The following TGS1 variants were observed in gnomAD, a reference collection of about 807,000 sequenced individuals.
TGS1 encodes the protein trimethylguanosine synthase 1, also known as trimethylguanosine synthase.
Under a neutral mutation model 92.2 loss-of-function variants are expected in TGS1, and 69 were observed. The ratio of observed to expected loss-of-function variants is 0.75; its 90% CI spans 0.62 to 0.91. The LOEUF (loss-of-function observed/expected upper bound fraction) is 0.91. Among genes scored for constraint, TGS1 ranks in the 40% least tolerant of loss-of-function variants. The pLI, the probability that TGS1 is intolerant of heterozygous loss-of-function variation, is 0.00. For synonymous variants in TGS1, 345 were observed against 338.1 expected, an observed-to-expected ratio of 1.02 and a Z score of -0.22; for missense variants, 1,062 against 1,001.2, an observed-to-expected ratio of 1.06 and a Z score of -0.82.
Position 55,786,999 on chromosome 8 carries a change from TGGA to T in TGS1, c.1105_1107del (p.Gly369del). On this transcript the variant is annotated inframe_deletion, in exon 4 of 13. Coordinates refer to ENST00000260129, the MANE Select transcript of TGS1 (RefSeq NM_024831.8). Reference sequence around the variant, plus strand: ...CTTCCGGCCAAAGTGAACCACGTAATGGAGGAACCAATGAGGAAAGCAACTCAT... The same window carrying T: ...CTTCCGGCCAAAGTGAACCACGTAATGGAACCAATGAGGAAAGCAACTCAT... The T allele has an allele frequency of 1.9e-6, 3 of 1,614,080 alleles. No individual in the cohort carries two copies. In the Admixed American group the frequency reaches 5.0e-5, roughly 27 times the overall value.
chr8:55,779,798 C>T (rs2130105246), intron 1 of TGS1, among the ~76,000 whole-genome samples: 1 of 152,204 alleles, frequency 6.6e-6, no homozygotes, highest in Non-Finnish European at 1.5e-5. Flanking sequence ...CTTATCAATT[C>T]CATTGAATTT....
At chr8:55,793,733 AATTTATTTATTTATTT>A (rs143163863) in intron 6 of TGS1, among the ~76,000 whole-genome samples, 2,795 of 144,952 alleles carry the variant, frequency 0.019, 82 homozygotes, top group African/African-American at 0.068. Flanking sequence ...ATGCCCTGCT[AATTTATTTATTTATTT>A]ATTTATTTAT....
At chr8:55,806,422 T>C (rs1214387673) in intron 10 of TGS1, among the ~76,000 whole-genome samples, 2 of 150,682 alleles carry the variant, frequency 1.3e-5, no homozygotes, top group East Asian at 3.9e-4. Context: ...AATATAGTAC[T>C]GTAAATGTAG....
intron 11 of TGS1, among the ~76,000 whole-genome samples, chr8:55,812,249 G>A (rs955198290): frequency 1.6e-4 from 25 of 151,762 alleles, no homozygotes; most frequent in Admixed American, 8.6e-4. Flanking sequence ...AGTGTACTCC[G>A]GGATATGCTG....
chr8:55,817,257 A>T (rs1803506083), intron 12 of TGS1, among the ~76,000 whole-genome samples: 1 of 152,188 alleles, frequency 6.6e-6, no homozygotes, highest in Admixed American at 6.5e-5. Context: ...TCCTCATTGT[A>T]ACAGTCACTT....
intron 1 of TGS1, among the ~76,000 whole-genome samples, chr8:55,773,929 A>G (rs1176238312): frequency 6.6e-6 from 1 of 152,214 alleles, no homozygotes; most frequent in African/African-American, 2.4e-5. Flanking sequence ...TCTACTTGGT[A>G]GGCTGCTATG....
chr8:55,773,738 C>T lies in TGS1; in HGVS notation c.101+19C>T. 1 of 1,581,542 alleles carries T rather than the reference C, an allele frequency of 6.3e-7. No homozygotes were observed. Among genetic ancestry groups the T allele is most frequent in the Non-Finnish European group, 8.7e-7 (1 of 1,154,918 alleles). On this transcript the variant is annotated intron_variant, in intron 1 of 12. Coordinates refer to ENST00000260129, the MANE Select transcript of TGS1 (RefSeq NM_024831.8). ...TTGTGGAGTAAGTAGAAAAGAGAATCTCTTCATGTTCTAGCACAGTCATTA... is the reference window on the plus strand; with the variant it reads ...TTGTGGAGTAAGTAGAAAAGAGAATTTCTTCATGTTCTAGCACAGTCATTA...
chr8:55,777,902 ATTT>A (rs56285134), intron 1 of TGS1, among the ~76,000 whole-genome samples: 22,080 of 150,536 alleles, frequency 0.15, 1,808 homozygotes, highest in African/African-American at 0.23. Context: ...AATAATTTAA[ATTT>A]TTTTTTTTTT....
intron 10 of TGS1, among the ~76,000 whole-genome samples, chr8:55,806,624 A>G (rs180730016): frequency 8.5e-5 from 13 of 152,246 alleles, no homozygotes; most frequent in Admixed American, 4.6e-4. Flanking sequence ...TGACTTCACA[A>G]GAGATCAGGG....
chr8:55,824,435 A>T, intron 12 of TGS1, 146 bp from the exon 13 acceptor site: 1 of 958,554 alleles, frequency 1.0e-6, no homozygotes, highest in Non-Finnish European at 1.6e-6. Context: ...GATGCCTGGG[A>T]AGTAGCAGTG....
At position 55,799,220 on chromosome 8, in the gene TGS1, G is replaced by C; in HGVS notation, c.1849G>C (p.Ala617Pro). 1 of 1,600,820 alleles carries C rather than the reference G, an allele frequency of 6.2e-7. No homozygotes were observed. Among genetic ancestry groups the C allele is most frequent in the Non-Finnish European group, 8.5e-7 (1 of 1,175,160 alleles). Residue 617 changes from alanine to proline, a missense_variant and splice_region_variant, in exon 8 of 13, where the codon GCT becomes CCT. Transcript: ENST00000260129. ...VPDSRQAETE[A>P]EVKKKKNKKK... ...AGACTCCCGCCAGGCAGAAACTGAAGGTAACACTAAATATGCTTCAACTTG... is the reference window on the plus strand; with the variant it reads ...AGACTCCCGCCAGGCAGAAACTGAACGTAACACTAAATATGCTTCAACTTG...
At chr8:55,779,868 T>C (rs1324239481) in intron 1 of TGS1, among the ~76,000 whole-genome samples, 1 of 147,350 alleles carries the variant, frequency 6.8e-6, no homozygotes, top group Non-Finnish European at 1.5e-5. Context: ...ATGTATTCTT[T>C]TTTTTCCTTT....
At chr8:55,802,692 C>A in intron 9 of TGS1, 86 bp downstream of exon 9, 2 of 1,300,212 alleles carry the variant, frequency 1.5e-6, no homozygotes, top group Non-Finnish European at 1.0e-6. Context: ...AGGGAATGTT[C>A]ATATCCCCTT....
At chr8:55,781,480 A>G (rs949887332) in intron 1 of TGS1, among the ~76,000 whole-genome samples, 1 of 152,190 alleles carries the variant, frequency 6.6e-6, no homozygotes, top group African/African-American at 2.4e-5. Flanking sequence ...ACATTTACAT[A>G]TTTGCTCATT....
chr8:55,823,609 C>T (rs1007278668), intron 12 of TGS1, among the ~76,000 whole-genome samples: 3 of 152,094 alleles, frequency 2.0e-5, no homozygotes, highest in Non-Finnish European at 4.4e-5. Context: ...CTAGACTCCT[C>T]ATGAGAGTAG....
At position 55,773,648 on chromosome 8, in the gene TGS1, G is replaced by A. The variant is rs748540406; in HGVS notation, c.30G>A (p.Ala10=). MCCEKWSRV[A]EMFLFIEERE... ...GCTGCGAGAAGTGGAGCCGCGTGGC[G>A]GAAATGTTTCTCTTCATTGAGGAGC... Residue 10 remains alanine, a synonymous_variant, in exon 1 of 13, where the codon GCG becomes GCA. Transcript: ENST00000260129. 3.1e-6 allele frequency: 5 copies of A among 1,611,058 alleles called. No individual in the cohort carries two copies. In the Admixed American group the frequency reaches 5.0e-5, roughly 16 times the overall value.
intron 12 of TGS1, among the ~76,000 whole-genome samples, chr8:55,823,913 G>A (rs1406923175): frequency 6.6e-6 from 1 of 151,392 alleles, no homozygotes; most frequent in African/African-American, 2.4e-5. Context: ...AGGAGTTCGA[G>A]ACCAGCCTGG....
At chr8:55,801,949 C>A (rs1812226715) in intron 8 of TGS1, among the ~76,000 whole-genome samples, 2 of 152,074 alleles carry the variant, frequency 1.3e-5, no homozygotes, top group African/African-American at 4.8e-5. Context: ...AATCCCAGCA[C>A]TTTGGGAGGC....
rs146795709 is a variant in TGS1 at position 55,825,749 on chromosome 8, T to G, written c.*1046T>G. ...TTTTAGTGTCTTGAAAGTTTACAAT[T>G]TATCTGATTGCTCTGCAGTACAGTA... On this transcript the variant is annotated 3_prime_UTR_variant, in exon 13 of 13. Coordinates refer to ENST00000260129, the MANE Select transcript of TGS1 (RefSeq NM_024831.8). Among the ~76,000 whole-genome samples the G allele has an allele frequency of 3.9e-5, 6 of 152,300 alleles. No homozygotes were observed. In the East Asian group the frequency reaches 1.2e-3, roughly 29 times the overall value.
Sources: allele counts gnomAD v4.1 joint callset (sites outside exome capture counted in the v4.1 genomes callset), GRCh38; gene constraint gnomAD v4.1.1; transcripts MANE v1.5; gene names NCBI Gene and HGNC (gene_info 2026-07-23, HGNC 2026-07-21).